The following UGT1A10 variants were observed in gnomAD, a reference collection of about 807,000 sequenced individuals.
The protein encoded by UGT1A10 is UDP glucuronosyltransferase family 1 member A10, also known as UDP-glucuronosyltransferase 1A10.
UGT1A10 carries 49 observed loss-of-function variants against 45.8 expected under a neutral mutation model. The observed-to-expected ratio is 1.07, with a 90% CI of 0.85 to 1.36. The LOEUF (loss-of-function observed/expected upper bound fraction) is 1.36, where lower values mean the gene tolerates loss of function less well. UGT1A10 is among the 40% of genes most tolerant of loss of function. The pLI is 0.00. For synonymous variants in UGT1A10, 284 were observed against 249.7 expected (o/e 1.14, Z -1.29); for missense variants, 745 against 668.6 (o/e 1.11, Z -1.26).
rs777238544 is a variant in UGT1A10, at chr2:233,768,345, A to G, written c.1201A>G (p.Met401Val). ...FGDQMDNAKRMETKGAGVTLN... is the reference protein window; with the variant it reads ...FGDQMDNAKRVETKGAGVTLN... ...TGATCAGATGGACAATGCAAAGCGC[A>G]TGGAGACTAAGGGAGCTGGAGTGAC... Residue 401 changes from methionine (M) to valine (V), a missense_variant, in exon 4 of 5, where the codon ATG (methionine) becomes GTG (valine). Coordinates refer to ENST00000344644, the MANE Select transcript of UGT1A10 (RefSeq NM_019075.4). 3 of 1,614,098 alleles carry G rather than the reference A, an allele frequency of 1.9e-6. No individual in the cohort carries two copies. Among genetic ancestry groups the G allele is most frequent in the Non-Finnish European group, 2.5e-6 (3 of 1,180,044 alleles).
At chr2:233,768,494 T>A in intron 4 of UGT1A10, 55 bp downstream of exon 4, 1 of 1,575,098 alleles carries the variant, frequency 6.3e-7, no homozygotes, top group Non-Finnish European at 8.6e-7. Context: ...GATAAAATTG[T>A]TTCAAATATG....
intron 1 of UGT1A10, chr2:233,747,962 C>T (rs780665543): frequency 3.7e-6 from 6 of 1,613,470 alleles, no homozygotes; most frequent in Non-Finnish European, 4.2e-6. Context: ...ATCTTCTCAG[C>T]CATGCATCTG....
intron 1 of UGT1A10, among the ~76,000 whole-genome samples, chr2:233,751,848 C>G (rs1317042286): frequency 6.6e-6 from 1 of 152,136 alleles, no homozygotes. Context: ...GTCATTTAAA[C>G]CTTTGTCTTT....
intron 1 of UGT1A10, chr2:233,672,415 T>G (rs774463042): frequency 6.2e-7 from 1 of 1,614,022 alleles, no homozygotes. Context: ...TGCCAAATAT[T>G]TCTCCCTCCC....
At chr2:233,707,538 CTT>C (rs753963758) in intron 1 of UGT1A10, among the ~76,000 whole-genome samples, 33 of 126,850 alleles carry the variant, frequency 2.6e-4, no homozygotes, top group Middle Eastern at 4.2e-3. Context: ...TTTGTCTTGC[CTT>C]TTTTTTTTTT....
chr2:233,665,609 G>T (rs1217188566), intron 1 of UGT1A10, among the ~76,000 whole-genome samples: 1 of 152,206 alleles, frequency 6.6e-6, no homozygotes, highest in Non-Finnish European at 1.5e-5. Context: ...GCATTGGTTG[G>T]TTTGAATAAT....
At chr2:233,758,381 C>CTTATGTGT (rs1159437642) in intron 1 of UGT1A10, among the ~76,000 whole-genome samples, 1 of 152,202 alleles carries the variant, frequency 6.6e-6, no homozygotes, top group East Asian at 1.9e-4. Context: ...ACAGTGGTGA[C>CTTATGTGT]TTATGTGTTT....
rs541532523 is a variant in UGT1A10, at chr2:233,772,760, G to A, written c.*201G>A. The A allele has an allele frequency of 2.4e-5, 33 of 1,393,894 alleles. No homozygotes were observed. The South Asian group carries it at 2.9e-4, about 12-fold the overall frequency. The allele number at this position is 1,393,894 out of a possible 1,614,324, so 86.3% of individuals were successfully genotyped here. A position where few individuals can be genotyped will look rare whatever the true frequency, so the allele number is the denominator to read the frequency against. On this transcript the variant is annotated 3_prime_UTR_variant, in exon 5 of 5. Transcript: ENST00000344644. ...CAGTAAAGATATTTGAATATGTATC[G>A]TGCCCCCTCTGGTGTCTTTGATCAG...
chr2:233,714,306 T>C (rs1288766736), intron 1 of UGT1A10, among the ~76,000 whole-genome samples: 1 of 152,124 alleles, frequency 6.6e-6, no homozygotes, highest in East Asian at 1.9e-4. Context: ...TTGCAAAAGA[T>C]AGAGAGGTGA....
chr2:233,666,984 AT>A (rs1374137443), intron 1 of UGT1A10, among the ~76,000 whole-genome samples: 1 of 152,068 alleles, frequency 6.6e-6, no homozygotes, highest in Non-Finnish European at 1.5e-5. Flanking sequence ...TGAACTCATC[AT>A]TTTTTATGGC....
At chr2:233,738,602 T>A (rs1388412839) in intron 1 of UGT1A10, among the ~76,000 whole-genome samples, 2 of 152,210 alleles carry the variant, frequency 1.3e-5, no homozygotes, top group East Asian at 3.8e-4. Context: ...TGCTAAGCTT[T>A]AGCAAAGAAA....
intron 1 of UGT1A10, among the ~76,000 whole-genome samples, chr2:233,680,286 C>A (rs375139076): frequency 6.6e-6 from 1 of 152,112 alleles, no homozygotes; most frequent in East Asian, 1.9e-4. Context: ...CATAAGAGAT[C>A]ATTTTTTACT....
intron 1 of UGT1A10, among the ~76,000 whole-genome samples, chr2:233,730,265 T>C (rs547052963): frequency 2.0e-5 from 3 of 152,104 alleles, no homozygotes; most frequent in East Asian, 3.9e-4. Context: ...AGACTGTTGG[T>C]TTGTAAAGGC....
intron 1 of UGT1A10, chr2:233,760,237 TATATATATATAA>T (rs1319876317): frequency 6.3e-7 from 1 of 1,597,346 alleles, no homozygotes; most frequent in South Asian, 1.1e-5. Flanking sequence ...TTTTGCCATA[TATATATATATAA>T]GTAGGAGAGG....
intron 1 of UGT1A10, among the ~76,000 whole-genome samples, chr2:233,763,416 A>T (rs1484402572): frequency 6.6e-6 from 1 of 152,224 alleles, no homozygotes; most frequent in Non-Finnish European, 1.5e-5. Flanking sequence ...TTTTTAATCC[A>T]GTCAGGCAGT....
rs376887521 is a variant in UGT1A10 at position 233,757,535 on chromosome 2, A to AATATATATACATATACATATATATATAT, written c.856-9490_856-9489insCATATACATATATATATATATATATATA. ...CAAAGCCAAAATCTTGCCTGTAAGG[A>AATATATATACATATACATATATATATAT]ATATATATATATATATATATATATA... On this transcript the variant is annotated intron_variant, in intron 1 of 4. Transcript: ENST00000344644. 4.4e-3 allele frequency among the ~76,000 whole-genome samples: 377 copies of AATATATATACATATACATATATATATAT among 85,820 alleles called. 6 individuals carry two copies. The highest frequency in any genetic ancestry group is 5.9e-3 in the Middle Eastern group (1 of 170). The allele number at this position is 85,820 out of a possible 152,430, so 56.3% of individuals were successfully genotyped here. A position where few individuals can be genotyped will look rare whatever the true frequency, so the allele number is the denominator to read the frequency against.
At chr2:233,667,319 G>C (rs1400866044) in intron 1 of UGT1A10, among the ~76,000 whole-genome samples, 1 of 152,186 alleles carries the variant, frequency 6.6e-6, no homozygotes, top group Non-Finnish European at 1.5e-5. Context: ...TGGGAAAACT[G>C]GCTAGCCATT....
intron 2 of UGT1A10, 55 bp downstream of exon 2, chr2:233,767,220 C>G (rs1167186563): frequency 6.2e-7 from 1 of 1,611,536 alleles, no homozygotes; most frequent in African/African-American, 1.3e-5. Flanking sequence ...GCGCTAATCC[C>G]AGACTTCCAG....
chr2:233,658,502 C>T (rs2073902039), intron 1 of UGT1A10, among the ~76,000 whole-genome samples: 1 of 152,198 alleles, frequency 6.6e-6, no homozygotes, highest in South Asian at 2.1e-4. Context: ...ATCACGCCCC[C>T]TTCATCTCCT....
Sources: gnomAD v4.1 joint callset for allele counts (sites outside exome capture counted in the v4.1 genomes callset) on GRCh38, gnomAD v4.1.1 for gene constraint, MANE v1.5 for transcripts, NCBI Gene and HGNC (gene_info 2026-07-23, HGNC 2026-07-21) for gene names.